The following VPS25 variants were observed in gnomAD, a reference collection of about 807,000 sequenced individuals.
VPS25 encodes vacuolar protein-sorting-associated protein 25.
Under a neutral mutation model 30.3 loss-of-function variants are expected in VPS25, and 21 were observed. The ratio of observed to expected loss-of-function variants is 0.69; its 90% CI spans 0.49 to 1.00. VPS25 has a LOEUF of 1.00. VPS25 is among the 50% of genes least tolerant of loss of function. VPS25 has a pLI of 0.00. For synonymous variants in VPS25, 101 were observed against 88.1 expected (o/e 1.15, Z -0.82); for missense variants, 156 against 217.2 (o/e 0.72, Z 1.77).
chr17:42,775,588 G>C (rs528137880), intron 4 of VPS25, 119 bp downstream of exon 4: 1 of 744,812 alleles, frequency 1.3e-6, no homozygotes, highest in Non-Finnish European at 2.2e-6. Flanking sequence ...GGAGGGGGCA[G>C]AAAGAGGAAG....
chr17:42,775,239 T>G, intron 3 of VPS25, 142 bp from the exon 4 acceptor site: 2 of 605,272 alleles, frequency 3.3e-6, no homozygotes, highest in South Asian at 4.1e-5. Context: ...TAGAGAGAAT[T>G]TTTTTGTATT....
Position 42,779,201 on chromosome 17 carries a change from G to T in VPS25, c.*132G>T. ...AAAAGGACTCCAGTCCTGAAGGCTG[G>T]GACCTGGGGATGGGTTTCTCACACC... On this transcript the variant is annotated 3_prime_UTR_variant, in exon 6 of 6. Transcript: ENST00000253794. The T allele has an allele frequency of 1.3e-6, 1 of 788,176 alleles. No homozygotes were observed. The highest frequency in any genetic ancestry group is 2.1e-6 in the Non-Finnish European group (1 of 486,334). 48.8% of individuals were successfully genotyped at this position (788,176 alleles called of 1,614,324 possible). A position where few individuals can be genotyped will look rare whatever the true frequency, so the allele number is the denominator to read the frequency against.
chr17:42,778,100 T>C (rs1597890607), intron 5 of VPS25, among the ~76,000 whole-genome samples: 1 of 152,160 alleles, frequency 6.6e-6, no homozygotes, highest in South Asian at 2.1e-4. Context: ...TAAGCAAGCC[T>C]GTCAGGGCTT....
At position 42,779,299 on chromosome 17, in the gene VPS25, C is replaced by T. The variant is rs1478223432; in HGVS notation, c.*230C>T. ...AAATATGTGCTTCTTCTCGCCCTAC[C>T]TCCTTTCCCATCCTAGACTGTCCTT... On this transcript the variant is annotated 3_prime_UTR_variant, in exon 6 of 6. Coordinates refer to ENST00000253794, the MANE Select transcript of VPS25 (RefSeq NM_032353.4). 2 of 487,402 alleles carry T rather than the reference C, an allele frequency of 4.1e-6. No individual in the cohort carries two copies. Among genetic ancestry groups the T allele is most frequent in the African/African-American group, 3.9e-5 (2 of 51,000 alleles). 30.2% of individuals were successfully genotyped at this position (487,402 alleles called of 1,614,324 possible).
At chr17:42,775,896 C>T (rs1038215923) in intron 4 of VPS25, among the ~76,000 whole-genome samples, 1 of 152,140 alleles carries the variant, frequency 6.6e-6, no homozygotes, top group Non-Finnish European at 1.5e-5. Context: ...CCCCCTAAAC[C>T]ACCAGTCCCA....
Position 42,774,772 on chromosome 17 carries a change from T to C in VPS25, c.253+73T>C. The C allele has an allele frequency of 2.2e-6, 3 of 1,378,236 alleles. No individual in the cohort carries two copies. The South Asian group carries it at 3.7e-5, about 17-fold the overall frequency. 85.4% of individuals were successfully genotyped at this position (1,378,236 alleles called of 1,614,324 possible). On this transcript the variant is annotated intron_variant, in intron 3 of 5. Coordinates refer to ENST00000253794, the MANE Select transcript of VPS25 (RefSeq NM_032353.4). ...TCCTGAGGGCAAATTAGGATAAGTC[T>C]TTTTCCCTTTAATAACTTTTTCTCT...
intron 5 of VPS25, among the ~76,000 whole-genome samples, chr17:42,778,413 G>C (rs1389997360): frequency 3.3e-5 from 5 of 152,176 alleles, no homozygotes; most frequent in Admixed American, 6.5e-5. Flanking sequence ...TAGAACTCCT[G>C]ATCTCAAGTG....
At position 42,775,097 on chromosome 17, in the gene VPS25, T is replaced by C. The variant is rs553142705; in HGVS notation, c.254-284T>C. On this transcript the variant is annotated intron_variant, in intron 3 of 5. Transcript: ENST00000253794. Reference sequence around the variant, plus strand: ...TCTCACTCTGTCATCCAGGCTGGAGTGCAGTGGCTCAGTCCTATCTCACTG... The same window carrying C: ...TCTCACTCTGTCATCCAGGCTGGAGCGCAGTGGCTCAGTCCTATCTCACTG... 1.0e-5 allele frequency: 4 copies of C among 396,404 alleles called. No homozygotes were observed. In the South Asian group the frequency reaches 1.8e-4, roughly 18 times the overall value. The allele number at this position is 396,404 out of a possible 1,614,324, so 24.6% of individuals were successfully genotyped here.
At chr17:42,778,605 A>G (rs1424656532) in intron 5 of VPS25, among the ~76,000 whole-genome samples, 3 of 152,232 alleles carry the variant, frequency 2.0e-5, no homozygotes, top group Non-Finnish European at 4.4e-5. Flanking sequence ...GTCAGTGTCT[A>G]GTGACAATGG....
At chr17:42,775,046 CT>C (rs1370477062) in intron 3 of VPS25, 815 of 348,824 alleles carry the variant, frequency 2.3e-3, no homozygotes, top group Middle Eastern at 6.6e-3. Context: ...GTTCATGATA[CT>C]TTTTTTTTGG....
chr17:42,778,990 G>A lies in VPS25; in HGVS notation c.452G>A (p.Arg151Gln), dbSNP rs2054452304. 2 of 1,614,082 alleles carry A rather than the reference G, an allele frequency of 1.2e-6. No individual in the cohort carries two copies. The highest frequency in any genetic ancestry group is 8.5e-7 in the Non-Finnish European group (1 of 1,179,972). The change falls in exon 6 of 6, where the codon CGG becomes CAG. Residue 151 changes from arginine to glutamine, a missense_variant. Physicochemically the swap from Arg to Gln is conservative, Grantham distance 43. Coordinates refer to ENST00000253794, the MANE Select transcript of VPS25 (RefSeq NM_032353.4). ...GGGCTGGATGAAGCCACTCTACTGC[G>A]GGCTCTGCAGGCCCTACAGCAGGAG... ...FHGLDEATLL[R>Q]ALQALQQEHK...
At chr17:42,778,726 G>A (rs1258071686) in intron 5 of VPS25, among the ~76,000 whole-genome samples, 1 of 152,204 alleles carries the variant, frequency 6.6e-6, no homozygotes, top group East Asian at 1.9e-4. Context: ...CTGAGTCTGA[G>A]AGGAGAACCA....
chr17:42,777,406 T>C (rs1286116213), intron 5 of VPS25, among the ~76,000 whole-genome samples: 2 of 152,080 alleles, frequency 1.3e-5, no homozygotes, highest in South Asian at 2.1e-4. Flanking sequence ...TCTGAGCTAC[T>C]TGGGAGGCTG....
At position 42,773,484 on chromosome 17, in the gene VPS25, G is replaced by T. The variant is rs748903448; in HGVS notation, c.9G>T (p.Met3Ile). The T allele has an allele frequency of 6.2e-7, 1 of 1,614,216 alleles. No individual in the cohort carries two copies. Among genetic ancestry groups the T allele is most frequent in the Non-Finnish European group, 8.5e-7 (1 of 1,180,038 alleles). MAMSFEWPWQYRF... is the reference protein window; with the variant it reads MAISFEWPWQYRF... The stretch of plus-strand genomic sequence containing the variant: ...TTTCCTGGGCTACTACGATGGCGAT[G>T]AGTTTCGAGTGGCCGTGGCAGTATC... Residue 3 changes from methionine to isoleucine, a missense_variant, in exon 1 of 6, where the codon ATG becomes ATT. Coordinates refer to ENST00000253794, the MANE Select transcript of VPS25 (RefSeq NM_032353.4).
At position 42,774,664 on chromosome 17, in the gene VPS25, C is replaced by T. The variant is rs534684067; in HGVS notation, c.218C>T (p.Ser73Leu). The change falls in exon 3 of 6, where the codon TCG becomes TTG. Residue 73 changes from serine (S) to leucine (L), a missense_variant. Coordinates refer to ENST00000253794, the MANE Select transcript of VPS25 (RefSeq NM_032353.4). Reference sequence around the variant, plus strand: ...AAACCAGGAAAGCTTCCTGTGGAGTCGATCCAGATTGTATTAGAGGAACTG... The same window carrying T: ...AAACCAGGAAAGCTTCCTGTGGAGTTGATCCAGATTGTATTAGAGGAACTG... ...VKLQRKLPVE[S>L]IQIVLEELRK... The T allele has an allele frequency of 1.9e-6, 3 of 1,612,974 alleles. No individual in the cohort carries two copies. Among genetic ancestry groups the T allele is most frequent in the African/African-American group, 1.3e-5 (1 of 75,002 alleles).
At position 42,779,366 on chromosome 17, in the gene VPS25, C is replaced by T; in HGVS notation, c.*297C>T. On this transcript the variant is annotated 3_prime_UTR_variant, in exon 6 of 6. Coordinates refer to ENST00000253794, the MANE Select transcript of VPS25 (RefSeq NM_032353.4). ...ACCTGACACTTTATATGTGTTCACA[C>T]ATGTAAGTACATACACACATGCGCC... is the stretch of plus-strand genomic sequence containing the variant. The T allele has an allele frequency of 3.0e-6, 1 of 337,656 alleles. No homozygotes were observed. The highest frequency in any genetic ancestry group is 2.8e-5 in the South Asian group (1 of 35,228). 20.9% of individuals were successfully genotyped at this position (337,656 alleles called of 1,614,324 possible).
Position 42,779,097 on chromosome 17 carries a change from C to T in VPS25, c.*28C>T, listed in dbSNP as rs778811232. On this transcript the variant is annotated 3_prime_UTR_variant, in exon 6 of 6. Transcript: ENST00000253794. Reference sequence around the variant, plus strand: ...GGGACCTGTCTCCCTTTACTTCTTACCTCCCACCTTTCCAGGGCTTTCAAA... The same window carrying T: ...GGGACCTGTCTCCCTTTACTTCTTATCTCCCACCTTTCCAGGGCTTTCAAA... The T allele has an allele frequency of 1.9e-6, 3 of 1,594,446 alleles. No homozygotes were observed. Among genetic ancestry groups the T allele is most frequent in the Non-Finnish European group, 2.6e-6 (3 of 1,165,224 alleles).
At position 42,779,015 on chromosome 17, in the gene VPS25, G is replaced by A. The variant is rs1018765034; in HGVS notation, c.477G>A (p.Glu159=). 6.2e-7 allele frequency: 1 copy of A among 1,613,866 alleles called. No individual in the cohort carries two copies. Among genetic ancestry groups the A allele is most frequent in the Non-Finnish European group, 8.5e-7 (1 of 1,179,980 alleles). Residue 159 remains glutamate, a synonymous_variant, in exon 6 of 6, where the codon GAG becomes GAA. Coordinates refer to ENST00000253794, the MANE Select transcript of VPS25 (RefSeq NM_032353.4). ...LLRALQALQQ[E]HKAEIITVSD... The stretch of plus-strand genomic sequence containing the variant: ...GGGCTCTGCAGGCCCTACAGCAGGA[G>A]CACAAGGCCGAGATCATCACTGTCA...
chr17:42,779,131 G>A lies in VPS25; in HGVS notation c.*62G>A, dbSNP rs944077876. The A allele has an allele frequency of 1.2e-5, 18 of 1,458,548 alleles. No individual in the cohort carries two copies. The African/African-American group carries it at 2.2e-4, about 18-fold the overall frequency. The allele number at this position is 1,458,548 out of a possible 1,614,324, so 90.4% of individuals were successfully genotyped here. A position where few individuals can be genotyped will look rare whatever the true frequency, so the allele number is the denominator to read the frequency against. On this transcript the variant is annotated 3_prime_UTR_variant, in exon 6 of 6. Coordinates refer to ENST00000253794, the MANE Select transcript of VPS25 (RefSeq NM_032353.4). ...TTTCCAGGGCTTTCAAAAGGAGACAGACCCAGTGTCCCCCAAAGACTGGAT... is the reference window on the plus strand; with the variant it reads ...TTTCCAGGGCTTTCAAAAGGAGACAAACCCAGTGTCCCCCAAAGACTGGAT...
Sources: allele counts gnomAD v4.1 joint callset (sites outside exome capture counted in the v4.1 genomes callset), GRCh38; gene constraint gnomAD v4.1.1; transcripts MANE v1.5; gene names NCBI Gene and HGNC (gene_info 2026-07-23, HGNC 2026-07-21).